ENPP6: variants seen among roughly 807,000 people sequenced by gnomAD.
ENPP6 encodes ectonucleotide pyrophosphatase/phosphodiesterase 6, also known as glycerophosphocholine cholinephosphodiesterase ENPP6.
Under a neutral mutation model 42.0 loss-of-function variants are expected in ENPP6, and 32 were observed. The ratio of observed to expected loss-of-function variants is 0.76; its 90% confidence interval spans 0.58 to 1.02. ENPP6 has a LOEUF of 1.02. Ranked by LOEUF, ENPP6 falls within the 50% of genes least tolerant of loss-of-function variation. The pLI is 0.00. For missense variants in ENPP6, 552 were observed against 566.8 expected (o/e 0.97, Z 0.27); for synonymous variants, 213 against 216.0 (o/e 0.99, Z 0.12).
chr4:184,162,729 A>G (rs1160479649), intron 1 of ENPP6, among the ~76,000 whole-genome samples: 2 of 152,174 alleles, frequency 1.3e-5, no homozygotes, highest in Non-Finnish European at 1.5e-5. Context: ...CCTTCTTTGA[A>G]AGGTGAGATG....
At chr4:184,125,544 A>T (rs542655333) in intron 2 of ENPP6, among the ~76,000 whole-genome samples, 155 of 152,046 alleles carry the variant, frequency 1.0e-3, no homozygotes, top group African/African-American at 3.6e-3. Flanking sequence ...CATCAACCCC[A>T]CCCCTGGGTA....
intron 1 of ENPP6, among the ~76,000 whole-genome samples, chr4:184,176,384 C>A (rs934125471): frequency 6.6e-6 from 1 of 152,206 alleles, no homozygotes; most frequent in African/African-American, 2.4e-5. Context: ...TTACCCTCTT[C>A]TTAAATAGGA....
chr4:184,099,005 G>A (rs566247605), intron 6 of ENPP6, among the ~76,000 whole-genome samples: 2 of 152,224 alleles, frequency 1.3e-5, no homozygotes, highest in Non-Finnish European at 2.9e-5. Flanking sequence ...TTCGCCATAA[G>A]CTGACACCAA....
At position 184,117,902 on chromosome 4, in the gene ENPP6, T is replaced by C. The variant is rs1368335397; in HGVS notation, c.534-2A>G. ...GCTGCCAGGTCGGCCCGGCCACTCC[T>C]GGAGGGACAGAGGAGAGAGGCATAG... is the stretch of plus-strand genomic sequence containing the variant. On this transcript the variant is annotated splice_acceptor_variant, in intron 3 of 7. Transcript: ENST00000296741. LOFTEE classifies it high-confidence loss of function. 6.2e-7 allele frequency: 1 copy of C among 1,613,854 alleles called. No individual in the cohort carries two copies. The highest frequency in any genetic ancestry group is 1.7e-5 in the Admixed American group (1 of 59,986).
At chr4:184,128,799 A>G (rs1178653620) in intron 2 of ENPP6, among the ~76,000 whole-genome samples, 1 of 152,244 alleles carries the variant, frequency 6.6e-6, no homozygotes, top group Non-Finnish European at 1.5e-5. Flanking sequence ...TTTCGAATAT[A>G]ACTGTTGAAA....
chr4:184,217,865 G>A lies in ENPP6; in HGVS notation c.-46C>T. 1 of 1,593,888 alleles carries A rather than the reference G, an allele frequency of 6.3e-7. No individual in the cohort carries two copies. Among genetic ancestry groups the A allele is most frequent in the Non-Finnish European group, 8.5e-7 (1 of 1,170,880 alleles). ...GCCCGGCTGGCACAGCTGTCGCCTT[G>A]CAAAGACTGAGGATGGAGAATCTGT... On this transcript the variant is annotated 5_prime_UTR_variant, in exon 1 of 8. Coordinates refer to ENST00000296741, the MANE Select transcript of ENPP6 (RefSeq NM_153343.4).
Position 184,217,739 on chromosome 4 carries a change from C to T in ENPP6, c.81G>A (p.Leu27=). The T allele has an allele frequency of 6.2e-7, 1 of 1,614,200 alleles. No individual in the cohort carries two copies. The highest frequency in any genetic ancestry group is 8.5e-7 in the Non-Finnish European group (1 of 1,180,048). ...AQPASARRKL[L]VFLLDGFRSD... is the part of the protein sequence containing the mutation. ...AGCGAAAACCATCCAGCAGAAACAC[C>T]AGCAGCTTCCGGCGGGCAGAGGCTG... The change falls in exon 1 of 8, where the codon CTG becomes CTA. Residue 27 remains leucine (L), a synonymous_variant. Transcript: ENST00000296741.
Position 184,116,898 on chromosome 4 carries a change from C to CCCGCG in ENPP6, c.808_812dup (p.Pro272AlafsTer5), listed in dbSNP as rs1560982972. 2.5e-6 allele frequency: 4 copies of CCCGCG among 1,614,032 alleles called. 1 individual carries two copies. The East Asian group carries it at 8.9e-5, about 36-fold the overall frequency. ...GGGCCGGCCAAAGGCTCACAACAGG[C>CCCGCG]CCGCGGTCCTTCACTTGCTGCAGGT... On this transcript the variant is annotated frameshift_variant, in exon 5 of 8. Transcript: ENST00000296741. LOFTEE classifies it high-confidence loss of function.
chr4:184,208,997 G>T (rs1364417673), intron 1 of ENPP6, among the ~76,000 whole-genome samples: 1 of 142,174 alleles, frequency 7.0e-6, no homozygotes, highest in African/African-American at 2.7e-5. Flanking sequence ...ACACGGCAGG[G>T]TATTCCAACA....
intron 1 of ENPP6, among the ~76,000 whole-genome samples, chr4:184,205,683 T>C (rs1359069133): frequency 6.6e-6 from 1 of 152,018 alleles, no homozygotes; most frequent in East Asian, 1.9e-4. Context: ...GCTGCTCTAG[T>C]TGTGGGGCAG....
intron 1 of ENPP6, among the ~76,000 whole-genome samples, chr4:184,171,234 G>T (rs1452463866): frequency 1.3e-5 from 2 of 152,230 alleles, no homozygotes; most frequent in Non-Finnish European, 2.9e-5. Context: ...TGCTGGCTGA[G>T]ACCTTAGCTG....
chr4:184,163,708 T>C (rs867111145), intron 1 of ENPP6, among the ~76,000 whole-genome samples: 79 of 152,344 alleles, frequency 5.2e-4, no homozygotes, highest in African/African-American at 1.9e-3. Flanking sequence ...CTTTAGAAAG[T>C]GATAGTAATC....
chr4:184,090,733 G>A lies in ENPP6; in HGVS notation c.*444C>T. On this transcript the variant is annotated 3_prime_UTR_variant, in exon 8 of 8. Coordinates refer to ENST00000296741, the MANE Select transcript of ENPP6 (RefSeq NM_153343.4). The stretch of plus-strand genomic sequence containing the variant: ...GATGGAAGGAACAGTACAGGATTGT[G>A]GCCACAGACACTGAGGATGGCTCCT... The A allele has an allele frequency of 3.1e-6, 1 of 325,794 alleles. No homozygotes were observed. Among genetic ancestry groups the A allele is most frequent in the Non-Finnish European group, 5.6e-6 (1 of 179,450 alleles). 20.2% of individuals were successfully genotyped at this position (325,794 alleles called of 1,614,324 possible).
At chr4:184,194,554 G>A (rs1732764175) in intron 1 of ENPP6, among the ~76,000 whole-genome samples, 1 of 152,254 alleles carries the variant, frequency 6.6e-6, no homozygotes, top group South Asian at 2.1e-4. Context: ...AGTGACAACA[G>A]TGCATTAAAC....
intron 1 of ENPP6, among the ~76,000 whole-genome samples, chr4:184,198,865 A>G (rs1732845216): frequency 6.6e-6 from 1 of 152,188 alleles, no homozygotes; most frequent in African/African-American, 2.4e-5. Context: ...TCATCTGTCC[A>G]GTTGCCATCC....
chr4:184,100,481 T>C (rs909903215), intron 6 of ENPP6, among the ~76,000 whole-genome samples: 5 of 152,096 alleles, frequency 3.3e-5, no homozygotes, highest in Non-Finnish European at 5.9e-5. Flanking sequence ...CAGCGCCACC[T>C]AGTGACATCC....
chr4:184,095,606 G>T (rs1414065156), intron 7 of ENPP6, among the ~76,000 whole-genome samples: 1 of 151,512 alleles, frequency 6.6e-6, no homozygotes, highest in Non-Finnish European at 1.5e-5. Flanking sequence ...GTTGCAGTGA[G>T]CTGAGATGGC....
chr4:184,139,123 C>T (rs182134871), intron 2 of ENPP6, among the ~76,000 whole-genome samples: 9 of 152,330 alleles, frequency 5.9e-5, no homozygotes, highest in South Asian at 4.1e-4. Context: ...CCTTCTGCTC[C>T]GTCTCTGCAG....
intron 2 of ENPP6, among the ~76,000 whole-genome samples, chr4:184,148,917 GTGGA>G (rs1264665101): frequency 2.6e-5 from 4 of 152,206 alleles, no homozygotes; most frequent in Non-Finnish European, 5.9e-5. Flanking sequence ...TGTAGTGGAT[GTGGA>G]TGCATTCTTC....
Sources: gnomAD v4.1 joint callset for allele counts (sites outside exome capture counted in the v4.1 genomes callset) on GRCh38, gnomAD v4.1.1 for gene constraint, MANE v1.5 for transcripts, NCBI Gene and HGNC (gene_info 2026-07-23, HGNC 2026-07-21) for gene names.